The following ANKRD36B variants were observed in gnomAD, a reference collection of about 807,000 sequenced individuals.
The protein encoded by ANKRD36B is ankyrin repeat domain 36B.
ANKRD36B carries 37 observed loss-of-function variants against 135.7 expected under a neutral mutation model. The observed-to-expected ratio is 0.27, with a 90% confidence interval of 0.21 to 0.36. The LOEUF is 0.36. Among genes scored for constraint, ANKRD36B ranks in the 10% least tolerant of loss-of-function variants. The pLI, the probability that ANKRD36B is intolerant of heterozygous loss-of-function variation, is 1.00. For synonymous variants in ANKRD36B, 179 were observed against 348.1 expected (o/e 0.51, Z 5.41); for missense variants, 549 against 1,037.1 (o/e 0.53, Z 6.46).
Position 97,539,342 on chromosome 2 carries a change from C to G in ANKRD36B, c.1987+692G>C, listed in dbSNP as rs180861345. The stretch of plus-strand genomic sequence containing the variant: ...TTTATTTCATTTGAATAACTAATAT[C>G]AACAAAACATATATCTCTGACACCC... On this transcript the variant is annotated intron_variant, in intron 30 of 43. Coordinates refer to ENST00000359901, the MANE Select transcript of ANKRD36B (RefSeq NM_001393939.1). Among the ~76,000 whole-genome samples the G allele has an allele frequency of 9.0e-3, 870 of 96,290 alleles. 238 individuals are homozygous for G. Among genetic ancestry groups the G allele is most frequent in the African/African-American group, 0.026 (829 of 32,160 alleles). The allele number at this position is 96,290 out of a possible 152,430, so 63.2% of individuals were successfully genotyped here. A position where few individuals can be genotyped will look rare whatever the true frequency, so the allele number is the denominator to read the frequency against.
intron 6 of ANKRD36B, among the ~76,000 whole-genome samples, chr2:97,570,288 T>G (rs2081754787): frequency 6.6e-6 from 1 of 152,134 alleles, no homozygotes; most frequent in African/African-American, 2.4e-5. Context: ...ACACCTAAAA[T>G]TAAGTTGGGG....
At chr2:97,578,224 T>C (rs1195270996) in intron 5 of ANKRD36B, among the ~76,000 whole-genome samples, 2 of 152,014 alleles carry the variant, frequency 1.3e-5, no homozygotes, top group Non-Finnish European at 2.9e-5. Context: ...CATATAAGTA[T>C]GTGCAACTGA....
chr2:97,528,719 G>A (rs1354636109), intron 35 of ANKRD36B, among the ~76,000 whole-genome samples: 1 of 95,212 alleles, frequency 1.1e-5, no homozygotes, highest in South Asian at 2.4e-4. Flanking sequence ...TGATAAAGGG[G>A]GTATCACCAC....
chr2:97,553,017 A>T, intron 16 of ANKRD36B, 151 bp downstream of exon 16: 1 of 922,190 alleles, frequency 1.1e-6, no homozygotes, highest in East Asian at 2.7e-5. Flanking sequence ...GTCACCCAAT[A>T]ATTTATTACA....
In ANKRD36B at chr2:97,565,862, GGGGT is replaced by G. The variant is rs201110877; in HGVS notation, c.764-5006_764-5003del. Reference sequence around the variant, plus strand: ...TAATCTCATTACTGGGCATATACTCGGGGTGTGTGTGTGTGTGTGTGTGTGTGTA... The same window carrying G: ...TAATCTCATTACTGGGCATATACTCGGTGTGTGTGTGTGTGTGTGTGTGTA... On this transcript the variant is annotated intron_variant, in intron 6 of 43. Transcript: ENST00000359901. Among the ~76,000 whole-genome samples the G allele has an allele frequency of 5.6e-4, 81 of 144,708 alleles. 1 individual carries two copies. Among genetic ancestry groups the G allele is most frequent in the Admixed American group, 8.1e-4 (12 of 14,736 alleles). The allele number at this position is 144,708 out of a possible 152,430, so 94.9% of individuals were successfully genotyped here.
chr2:97,570,117 A>C (rs2081740827), intron 6 of ANKRD36B, among the ~76,000 whole-genome samples: 1 of 152,214 alleles, frequency 6.6e-6, no homozygotes, highest in Admixed American at 6.5e-5. Context: ...ATATTGCCAT[A>C]GTAACTTCTG....
intron 5 of ANKRD36B, among the ~76,000 whole-genome samples, chr2:97,576,821 A>G (rs181471657): frequency 2.0e-5 from 3 of 152,154 alleles, no homozygotes; most frequent in Admixed American, 2.0e-4. Context: ...CTAGGTTGTT[A>G]TATAGGTTTA....
In ANKRD36B at chr2:97,560,586, C is replaced by T. The variant is rs1420734134; in HGVS notation, c.865+79G>A. On this transcript the variant is annotated intron_variant, in intron 8 of 43. Coordinates refer to ENST00000359901, the MANE Select transcript of ANKRD36B (RefSeq NM_001393939.1). ...TCAGAACGTGCAGCTTATATGAACT[C>T]CCCACTGATTTATTTGGGGAAGGGA... 2.3e-5 allele frequency: 37 copies of T among 1,575,038 alleles called. No individual in the cohort carries two copies. In the Admixed American group the frequency reaches 6.4e-4, roughly 27 times the overall value.
intron 6 of ANKRD36B, among the ~76,000 whole-genome samples, chr2:97,563,905 T>A (rs1212264135): frequency 6.6e-6 from 1 of 152,146 alleles, no homozygotes; most frequent in African/African-American, 2.4e-5. Flanking sequence ...GAAGAGAGCA[T>A]AATTAAATAT....
At chr2:97,563,431 T>TACAC (rs4069654) in intron 6 of ANKRD36B, among the ~76,000 whole-genome samples, 56 of 149,620 alleles carry the variant, frequency 3.7e-4, no homozygotes, top group African/African-American at 1.3e-3. Context: ...GAGAAAAAAA[T>TACAC]ACACACACAC....
At chr2:97,546,471 T>C (rs2079476686) in intron 22 of ANKRD36B, among the ~76,000 whole-genome samples, 1 of 151,744 alleles carries the variant, frequency 6.6e-6, no homozygotes, top group Non-Finnish European at 1.5e-5. Flanking sequence ...TGCCTAAGTT[T>C]CTTGTATCCA....
chr2:97,493,867 C>T (rs7579601), intron 43 of ANKRD36B, among the ~76,000 whole-genome samples: 3,415 of 87,020 alleles, frequency 0.039, 334 homozygotes, highest in African/African-American at 0.1. Context: ...CAACATCAAA[C>T]GCTGGCAAGG....
At chr2:97,554,411 T>A (rs2922582) in intron 14 of ANKRD36B, among the ~76,000 whole-genome samples, 8 of 152,062 alleles carry the variant, frequency 5.3e-5, no homozygotes, top group African/African-American at 1.7e-4. Context: ...AGAAGTAATT[T>A]GTCAATGTGG....
intron 4 of ANKRD36B, among the ~76,000 whole-genome samples, chr2:97,579,729 A>G (rs1205189633): frequency 1.3e-5 from 2 of 149,994 alleles, no homozygotes; most frequent in East Asian, 3.9e-4. Context: ...TCTTACATAC[A>G]TATGTGTGTA....
At chr2:97,547,514 T>A in intron 22 of ANKRD36B, 22 bp downstream of exon 22, 1 of 1,532,856 alleles carries the variant, frequency 6.5e-7, no homozygotes, top group Non-Finnish European at 8.9e-7. Flanking sequence ...GAACATGACA[T>A]TAAATCTCTT....
At position 97,572,124 on chromosome 2, in the gene ANKRD36B, A is replaced by G. The variant is rs78050768; in HGVS notation, c.763+4255T>C. Reference sequence around the variant, plus strand: ...CTTTGTCTTTAAAAAATAAAAAATAAAAAAGTTAGCTTGGTATGGTGGCAT... The same window carrying G: ...CTTTGTCTTTAAAAAATAAAAAATAGAAAAGTTAGCTTGGTATGGTGGCAT... On this transcript the variant is annotated intron_variant, in intron 6 of 43. Coordinates refer to ENST00000359901, the MANE Select transcript of ANKRD36B (RefSeq NM_001393939.1). 7.9e-5 allele frequency among the ~76,000 whole-genome samples: 12 copies of G among 152,226 alleles called. No homozygotes were observed. The East Asian group carries it at 2.1e-3, about 27-fold the overall frequency.
In ANKRD36B at chr2:97,553,444, A is replaced by G. The variant is rs1054177364; in HGVS notation, c.1172-73T>C. On this transcript the variant is annotated intron_variant, in intron 14 of 43. Transcript: ENST00000359901. ...ATTTTCCATACATTCATGCGGTGTT[A>G]GCATCAAGCTGTATCCGCCTGCCTG... 2.0e-5 allele frequency: 30 copies of G among 1,509,954 alleles called. No homozygotes were observed. In the African/African-American group the frequency reaches 4.0e-4, roughly 20 times the overall value. 93.5% of individuals were successfully genotyped at this position (1,509,954 alleles called of 1,614,324 possible).
chr2:97,558,005 A>G (rs1291222903), intron 10 of ANKRD36B, among the ~76,000 whole-genome samples: 1 of 151,962 alleles, frequency 6.6e-6, no homozygotes, highest in Admixed American at 6.6e-5. Context: ...ATAAAATATC[A>G]TGTTATTCTC....
At chr2:97,581,792 CATTT>C (rs747453435) in intron 3 of ANKRD36B, among the ~76,000 whole-genome samples, 27 of 151,988 alleles carry the variant, frequency 1.8e-4, no homozygotes, top group Admixed American at 5.9e-4. Flanking sequence ...TTATTTGCAT[CATTT>C]ATTTATTTAT....
Sources: gnomAD v4.1 joint callset for allele counts (sites outside exome capture counted in the v4.1 genomes callset) on GRCh38, gnomAD v4.1.1 for gene constraint, MANE v1.5 for transcripts, NCBI Gene and HGNC (gene_info 2026-07-23, HGNC 2026-07-21) for gene names.